The following MMUT variants were observed in gnomAD, a reference collection of about 807,000 sequenced individuals.
MMUT encodes the protein methylmalonyl-CoA mutase, mitochondrial.
In MMUT, 79 loss-of-function variants were observed where a neutral mutation model predicts 79.9. The observed-to-expected ratio is 0.99, with a 90% CI of 0.82 to 1.19. The LOEUF is 1.19. MMUT is among the 50% of genes most tolerant of loss of function. MMUT has a pLI of 0.00. For missense variants in MMUT, 860 were observed against 917.2 expected (o/e 0.94, Z 0.81); for synonymous variants, 273 against 295.7 (o/e 0.92, Z 0.79).
Position 49,459,182 on chromosome 6 carries a change from T to C in MMUT, c.285A>G (p.Pro95=), listed in dbSNP as rs113008304. ...GCCTAAAGGTATACATGGTAGGATA[T>C]GGTCCACGTGTGAATGGCTTCACTC... ...LPGVKPFTRG[P]YPTMYTFRPW... The change falls in exon 2 of 13, where the codon CCA becomes CCG. Residue 95 remains proline, a synonymous_variant. Coordinates refer to ENST00000274813, the MANE Select transcript of MMUT (RefSeq NM_000255.4). 84 of 1,614,192 alleles carry C rather than the reference T, an allele frequency of 5.2e-5. No individual in the cohort carries two copies. In the African/African-American group the frequency reaches 9.1e-4, roughly 17 times the overall value.
In MMUT at chr6:49,440,320, T is replaced by C. The variant is rs200996892; in HGVS notation, c.1842A>G (p.Arg614=). 11 of 1,614,024 alleles carry C rather than the reference T, an allele frequency of 6.8e-6. No individual in the cohort carries two copies. Among genetic ancestry groups the C allele is most frequent in the Non-Finnish European group, 5.1e-6 (6 of 1,179,950 alleles). The change falls in exon 11 of 13, where the codon AGA becomes AGG. Residue 614 remains arginine (R), a synonymous_variant. Transcript: ENST00000274813. ...CCATTTTTGCTACAAGAAGACGAGG[T>C]CTGCGACCTTCACGTTCCATGAATT... ...VHKFMEREGR[R]PRLLVAKMGQ... is the part of the protein sequence containing the mutation.
At chr6:49,443,631 A>C (rs1445448016) in intron 9 of MMUT, among the ~76,000 whole-genome samples, 1 of 152,016 alleles carries the variant, frequency 6.6e-6, no homozygotes, top group East Asian at 1.9e-4. Context: ...TTTATATATG[A>C]TACATATAAT....
At position 49,435,610 on chromosome 6, in the gene MMUT, A is replaced by G. The variant is rs1767102899; in HGVS notation, c.1970T>C (p.Val657Ala). 2.5e-6 allele frequency: 4 copies of G among 1,613,728 alleles called. No individual in the cohort carries two copies. In the African/African-American group the frequency reaches 4.0e-5, roughly 16 times the overall value. ...IGPLFQTPREVAQQAVDADVH... is the reference protein window; with the variant it reads ...IGPLFQTPREAAQQAVDADVH... ...ATCCGCATCCACAGCCTGCTGGGCC[A>G]CTTCACGAGGAGTCTAAACAGTCAG... Residue 657 changes from valine (V) to alanine (A), a missense_variant, in exon 12 of 13, where the codon GTG (valine) becomes GCG (alanine). Physicochemically the swap from Val to Ala is moderately conservative, Grantham distance 64 (BLOSUM62 0). Coordinates refer to ENST00000274813, the MANE Select transcript of MMUT (RefSeq NM_000255.4).
intron 11 of MMUT, among the ~76,000 whole-genome samples, chr6:49,438,117 A>C (rs1581820120): frequency 6.6e-6 from 1 of 152,170 alleles, no homozygotes; most frequent in Non-Finnish European, 1.5e-5. Context: ...CTCGAGGACA[A>C]AATTGTATCC....
At chr6:49,462,011 G>A (rs1188386771) in intron 1 of MMUT, among the ~76,000 whole-genome samples, 1 of 152,082 alleles carries the variant, frequency 6.6e-6, no homozygotes, top group Non-Finnish European at 1.5e-5. Flanking sequence ...TTTCACGTGG[G>A]CTTTCCTAAA....
chr6:49,442,433 C>G (rs906065210), intron 9 of MMUT, among the ~76,000 whole-genome samples: 8 of 152,038 alleles, frequency 5.3e-5, no homozygotes, highest in Admixed American at 2.0e-4. Flanking sequence ...TATAGCGATA[C>G]AGTAATAAAT....
Position 49,431,579 on chromosome 6 carries a change from C to T in MMUT, c.*149G>A, listed in dbSNP as rs1766975222. The T allele has an allele frequency of 5.3e-6, 4 of 754,584 alleles. No homozygotes were observed. The highest frequency in any genetic ancestry group is 2.8e-5 in the East Asian group (1 of 35,350). 46.7% of individuals were successfully genotyped at this position (754,584 alleles called of 1,614,324 possible). ...GTATGTACATACTTATAGCATGACA[C>T]CAGGCCTATAAGTAAGGTATTTTAA... On this transcript the variant is annotated 3_prime_UTR_variant, in exon 13 of 13. Coordinates refer to ENST00000274813, the MANE Select transcript of MMUT (RefSeq NM_000255.4).
chr6:49,461,726 G>A (rs1767849119), intron 1 of MMUT, among the ~76,000 whole-genome samples: 1 of 152,136 alleles, frequency 6.6e-6, no homozygotes, highest in Non-Finnish European at 1.5e-5. Context: ...CAGAGATCGT[G>A]CCACTGCACT....
At chr6:49,435,911 C>T (rs1767111858) in intron 11 of MMUT, among the ~76,000 whole-genome samples, 1 of 152,050 alleles carries the variant, frequency 6.6e-6, no homozygotes, top group South Asian at 2.1e-4. Context: ...CTAATACCTG[C>T]ATCTATAAAA....
At chr6:49,459,012 C>A (rs1767764400) in intron 2 of MMUT, 70 bp downstream of exon 2, 3 of 1,448,582 alleles carry the variant, frequency 2.1e-6, no homozygotes, top group Non-Finnish European at 1.9e-6. Flanking sequence ...CAGAGATTAA[C>A]CCCCAAAAAA....
At chr6:49,443,695 AGT>A (rs1319891246) in intron 9 of MMUT, 1 of 288,732 alleles carries the variant, frequency 3.5e-6, no homozygotes, top group Non-Finnish European at 6.9e-6. Flanking sequence ...TAACACATTA[AGT>A]GCCATATTCT....
In MMUT at chr6:49,457,931, T is replaced by G. The variant is rs200617069; in HGVS notation, c.513A>C (p.Lys171Asn). The G allele has an allele frequency of 1.7e-5, 28 of 1,613,272 alleles. No individual in the cohort carries two copies. The highest frequency in any genetic ancestry group is 2.3e-5 in the Non-Finnish European group (27 of 1,179,980). Reference protein sequence around the residue: ...GVAIDTVEDTKILFDGIPLEK... With the variant: ...GVAIDTVEDTNILFDGIPLEK... Reference sequence around the variant, plus strand: ...CTAAAGGAATTCCATCAAAAAGAATTTTGGTATCTTCCACAGTGTCAATAG... The same window carrying G: ...CTAAAGGAATTCCATCAAAAAGAATGTTGGTATCTTCCACAGTGTCAATAG... The change falls in exon 3 of 13, where the codon AAA becomes AAC. Residue 171 changes from lysine (K) to asparagine (N), a missense_variant. Coordinates refer to ENST00000274813, the MANE Select transcript of MMUT (RefSeq NM_000255.4).
In MMUT at chr6:49,451,695, A is replaced by G; in HGVS notation, c.1103T>C (p.Val368Ala). The G allele has an allele frequency of 6.2e-7, 1 of 1,613,926 alleles. No homozygotes were observed. Among genetic ancestry groups the G allele is most frequent in the Admixed American group, 1.7e-5 (1 of 60,008 alleles). ...TGCCATTGCTTCTATTGCAGTACGG[A>G]CAATATTATTGTAGGGATCCTAAAA... ...LTEQDPYNNIVRTAIEAMAAV... is the reference protein window; with the variant it reads ...LTEQDPYNNIARTAIEAMAAV... Residue 368 changes from valine (V) to alanine (A), a missense_variant, in exon 6 of 13, where the codon GTC becomes GCC. Val to Ala is a moderately conservative substitution (Grantham distance 64, BLOSUM62 0). Coordinates refer to ENST00000274813, the MANE Select transcript of MMUT (RefSeq NM_000255.4).
chr6:49,435,886 GAATCTGACAAAGGTCT>G (rs1767110548), intron 11 of MMUT, among the ~76,000 whole-genome samples: 1 of 152,110 alleles, frequency 6.6e-6, no homozygotes, highest in Non-Finnish European at 1.5e-5. Context: ...TGCAAACTGT[GAATCTGACAAAGGTCT>G]AATACCTGCA....
intron 11 of MMUT, among the ~76,000 whole-genome samples, chr6:49,437,892 A>G (rs1247929051): frequency 5.3e-5 from 8 of 152,074 alleles, no homozygotes; most frequent in African/African-American, 1.7e-4. Context: ...ATCAACAAAT[A>G]TAAGTTTCTG....
rs758757431 is a variant in MMUT at position 49,459,391 on chromosome 6, T to G, written c.76A>C (p.Arg26=). ...LRQVKESSGS[R]LIQQRLLHQQ... is the part of the protein sequence containing the mutation. ...TGTAGAAGTCGTTGCTGTATGAGCC[T>G]GGAGCCTGATGATTCTTTTACCTGC... is the stretch of plus-strand genomic sequence containing the variant. Residue 26 remains arginine (R), a synonymous_variant, in exon 2 of 13, where the codon AGG becomes CGG. Coordinates refer to ENST00000274813, the MANE Select transcript of MMUT (RefSeq NM_000255.4). 40 of 1,613,592 alleles carry G rather than the reference T, an allele frequency of 2.5e-5. No individual in the cohort carries two copies. The highest frequency in any genetic ancestry group is 3.4e-5 in the Non-Finnish European group (40 of 1,179,902).
At chr6:49,432,676 C>T (rs535931556) in intron 12 of MMUT, among the ~76,000 whole-genome samples, 48 of 152,268 alleles carry the variant, frequency 3.2e-4, no homozygotes, top group Middle Eastern at 6.8e-3. Flanking sequence ...CATGAGCCAC[C>T]GTGCCTGGCC....
chr6:49,457,618 C>T (rs1215944149), intron 3 of MMUT, 73 bp downstream of exon 3: 12 of 1,292,938 alleles, frequency 9.3e-6, no homozygotes, highest in Non-Finnish European at 1.3e-5. Flanking sequence ...TTTTTAAATT[C>T]AGTTATAGCA....
intron 11 of MMUT, among the ~76,000 whole-genome samples, chr6:49,437,033 C>T (rs1285956331): frequency 6.6e-6 from 1 of 152,058 alleles, no homozygotes; most frequent in African/African-American, 2.4e-5. Context: ...AACAAATCTA[C>T]ACATGTACCC....
Sources: gnomAD v4.1 joint callset for allele counts (sites outside exome capture counted in the v4.1 genomes callset) on GRCh38, gnomAD v4.1.1 for gene constraint, MANE v1.5 for transcripts, NCBI Gene and HGNC (gene_info 2026-07-23, HGNC 2026-07-21) for gene names.